Variants in TLN2 observed in about 807,000 individuals in gnomAD.
TLN2 encodes the protein talin-2.
Under a neutral mutation model 294.7 loss-of-function variants are expected in TLN2, and 118 were observed. The ratio of observed to expected loss-of-function variants is 0.40; its 90% CI spans 0.34 to 0.47. The LOEUF (loss-of-function observed/expected upper bound fraction) is 0.47, where lower values mean the gene tolerates loss of function less well. Ranked by LOEUF, TLN2 falls within the 20% of genes least tolerant of loss-of-function variation. TLN2 has a pLI of 0.84. For synonymous variants in TLN2, 1,431 were observed against 1,304.5 expected (o/e 1.10, Z -2.09); for missense variants, 3,083 against 3,282.2 (o/e 0.94, Z 1.48).
chr15:62,793,285 G>A (rs1290364341), intron 46 of TLN2, among the ~76,000 whole-genome samples: 15 of 151,832 alleles, frequency 9.9e-5, no homozygotes, highest in African/African-American at 2.2e-4. Flanking sequence ...GGGCAGTGGC[G>A]TGTGCCTTTG....
chr15:62,453,976 C>G (rs973406427), intron 1 of TLN2, among the ~76,000 whole-genome samples: 1 of 152,060 alleles, frequency 6.6e-6, no homozygotes, highest in African/African-American at 2.4e-5. Flanking sequence ...GCCAGGCCCA[C>G]CCCCAGGTGC....
chr15:62,653,443 A>G, intron 7 of TLN2, 129 bp downstream of exon 7: 5 of 1,200,628 alleles, frequency 4.2e-6, no homozygotes, highest in Non-Finnish European at 5.5e-6. Flanking sequence ...TTAAAAAAGT[A>G]GGCTGGGCTC....
chr15:62,762,084 G>A (rs918577399), intron 38 of TLN2, among the ~76,000 whole-genome samples, 188 bp from the exon 39 acceptor site: 18 of 152,164 alleles, frequency 1.2e-4, no homozygotes, highest in African/African-American at 4.1e-4. Flanking sequence ...TGCTATTTAA[G>A]GGGCAAACAT....
chr15:62,418,227 C>T (rs1286695072), intron 1 of TLN2, among the ~76,000 whole-genome samples: 19 of 152,156 alleles, frequency 1.2e-4, no homozygotes, highest in Admixed American at 1.2e-3. Flanking sequence ...CTGCCTCCCC[C>T]GCTTTCTCTT....
intron 39 of TLN2, 121 bp from the exon 40 acceptor site, chr15:62,763,442 C>A: frequency 7.2e-7 from 1 of 1,383,646 alleles, no homozygotes; most frequent in Non-Finnish European, 9.6e-7. Flanking sequence ...GGGATTCCTC[C>A]TGAAAGGAGG....
intron 28 of TLN2, among the ~76,000 whole-genome samples, chr15:62,729,779 C>G (rs1387979178): frequency 6.6e-6 from 1 of 152,028 alleles, no homozygotes; most frequent in East Asian, 1.9e-4. Context: ...AGTCTATCAT[C>G]TTACTATTTG....
Position 62,833,599 on chromosome 15 carries a change from A to C in TLN2, c.7098A>C (p.Ala2366=), listed in dbSNP as rs771242398. The C allele has an allele frequency of 6.2e-7, 1 of 1,614,164 alleles. No individual in the cohort carries two copies. Residue 2366 remains alanine (A), a synonymous_variant, in exon 55 of 59, where the codon GCA becomes GCC. Coordinates refer to ENST00000636159, the MANE Select transcript of TLN2 (RefSeq NM_015059.3). The stretch of plus-strand genomic sequence containing the variant: ...GCGCCCTGGTCAAATCGGCCTCAGC[A>C]GCCCAGAGGGAGCTGGTGGCCCAAG... ...ATSALVKSAS[A]AQRELVAQGK...
At chr15:62,694,640 G>A (rs2058193598) in intron 14 of TLN2, among the ~76,000 whole-genome samples, 1 of 152,304 alleles carries the variant, frequency 6.6e-6, no homozygotes, top group East Asian at 1.9e-4. Context: ...GTCTTTTGAG[G>A]CAGTAAGTGT....
At chr15:62,573,719 C>T (rs2044130929) in intron 1 of TLN2, among the ~76,000 whole-genome samples, 1 of 152,010 alleles carries the variant, frequency 6.6e-6, no homozygotes, top group African/African-American at 2.4e-5. Flanking sequence ...GTCCCTTTTG[C>T]TCCTTCCCTT....
intron 46 of TLN2, among the ~76,000 whole-genome samples, chr15:62,795,406 G>GCAGT (rs1322865825): frequency 6.6e-6 from 1 of 152,208 alleles, no homozygotes. Flanking sequence ...TTATGTCATA[G>GCAGT]GAAAGTACCT....
intron 51 of TLN2, among the ~76,000 whole-genome samples, chr15:62,806,230 A>G (rs551450068): frequency 3.9e-4 from 60 of 152,202 alleles, no homozygotes; most frequent in South Asian, 3.5e-3. Flanking sequence ...TGGCATACGC[A>G]CCAGCCTGTG....
In TLN2 at chr15:62,843,353, G is replaced by A. The variant is rs965256426; in HGVS notation, c.*2743G>A. On this transcript the variant is annotated 3_prime_UTR_variant, in exon 59 of 59. Coordinates refer to ENST00000636159, the MANE Select transcript of TLN2 (RefSeq NM_015059.3). ...TAGATTTTACTTGGGCCTTTCAGGAGTCTTTAGATAGGGATGCTGAGGTCA... is the reference window on the plus strand; with the variant it reads ...TAGATTTTACTTGGGCCTTTCAGGAATCTTTAGATAGGGATGCTGAGGTCA... 1.3e-5 allele frequency: 2 copies of A among 152,252 alleles called. No homozygotes were observed. Among genetic ancestry groups the A allele is most frequent in the African/African-American group, 4.8e-5 (2 of 41,466 alleles). 9.4% of individuals were successfully genotyped at this position (152,252 alleles called of 1,614,324 possible).
At chr15:62,769,409 C>G (rs910774318) in intron 41 of TLN2, among the ~76,000 whole-genome samples, 2 of 152,188 alleles carry the variant, frequency 1.3e-5, no homozygotes, top group African/African-American at 2.4e-5. Flanking sequence ...GACGAAAATT[C>G]AGCCCATGCT....
At chr15:62,699,980 C>T (rs1349213273) in intron 16 of TLN2, among the ~76,000 whole-genome samples, 1 of 152,164 alleles carries the variant, frequency 6.6e-6, no homozygotes, top group Non-Finnish European at 1.5e-5. Flanking sequence ...AGTCTGTAGC[C>T]TCATCTTGTC....
chr15:62,406,043 G>A (rs892126604), intron 1 of TLN2, among the ~76,000 whole-genome samples: 2 of 152,142 alleles, frequency 1.3e-5, no homozygotes, highest in African/African-American at 4.8e-5. Flanking sequence ...AGCATCAGGT[G>A]GCCGTATGCC....
At chr15:62,614,564 A>T (rs2048161899) in intron 2 of TLN2, among the ~76,000 whole-genome samples, 1 of 152,166 alleles carries the variant, frequency 6.6e-6, no homozygotes, top group African/African-American at 2.4e-5. Flanking sequence ...GCTCGAAAGA[A>T]CATTCACTTC....
At chr15:62,592,816 T>G (rs1161537690) in intron 2 of TLN2, among the ~76,000 whole-genome samples, 2 of 152,218 alleles carry the variant, frequency 1.3e-5, no homozygotes, top group Non-Finnish European at 2.9e-5. Context: ...AAGAGTTACA[T>G]GCATTCATGG....
intron 52 of TLN2, among the ~76,000 whole-genome samples, chr15:62,815,235 ACTCG>A (rs2067023571): frequency 1.5e-5 from 2 of 137,532 alleles, no homozygotes; most frequent in African/African-American, 2.7e-5. Context: ...ACACACACTC[ACTCG>A]CTCTGCCCTT....
At chr15:62,438,554 G>T (rs2035403167) in intron 1 of TLN2, among the ~76,000 whole-genome samples, 1 of 152,172 alleles carries the variant, frequency 6.6e-6, no homozygotes, top group Non-Finnish European at 1.5e-5. Flanking sequence ...ACAGTTCGGT[G>T]CATAATCAGT....
Sources: gnomAD v4.1 joint callset for allele counts (sites outside exome capture counted in the v4.1 genomes callset) on GRCh38, gnomAD v4.1.1 for gene constraint, MANE v1.5 for transcripts, NCBI Gene and HGNC (gene_info 2026-07-23, HGNC 2026-07-21) for gene names.